FBXL7: variants seen among roughly 807,000 people sequenced by gnomAD.
FBXL7 encodes the protein F-box and leucine rich repeat protein 7.
FBXL7 carries 12 observed loss-of-function variants against 38.3 expected under a neutral mutation model. The observed-to-expected ratio is 0.31, with a 90% CI of 0.20 to 0.51. The LOEUF (loss-of-function observed/expected upper bound fraction) is 0.51. FBXL7 is among the 20% of genes least tolerant of loss of function. The pLI, the probability that FBXL7 is intolerant of heterozygous loss-of-function variation, is 0.98. For synonymous variants in FBXL7, 297 were observed against 300.9 expected (o/e 0.99, Z 0.13); for missense variants, 567 against 676.4 (o/e 0.84, Z 1.79).
chr5:15,832,927 G>A (rs1276160596), intron 2 of FBXL7, among the ~76,000 whole-genome samples: 3 of 151,920 alleles, frequency 2.0e-5, no homozygotes, highest in African/African-American at 7.3e-5. Flanking sequence ...CCATAGGGGC[G>A]GGTCTTTCCC....
intron 1 of FBXL7, among the ~76,000 whole-genome samples, chr5:15,590,895 G>A (rs1739452335): frequency 6.6e-6 from 1 of 152,076 alleles, no homozygotes; most frequent in Non-Finnish European, 1.5e-5. Context: ...CCTAAAAGTT[G>A]TATTATTATT....
intron 2 of FBXL7, among the ~76,000 whole-genome samples, chr5:15,630,863 T>G (rs959885037): frequency 2.0e-5 from 3 of 152,166 alleles, no homozygotes; most frequent in Admixed American, 6.5e-5. Context: ...ATTTTTTTTT[T>G]TGCTTTCATT....
At chr5:15,781,832 T>A (rs1300139004) in intron 2 of FBXL7, among the ~76,000 whole-genome samples, 1 of 152,138 alleles carries the variant, frequency 6.6e-6, no homozygotes. Flanking sequence ...CCTTTTCAAC[T>A]TTTTTAAAAA....
intron 2 of FBXL7, among the ~76,000 whole-genome samples, chr5:15,736,685 G>C (rs1735759681): frequency 6.6e-6 from 1 of 152,024 alleles, no homozygotes; most frequent in Non-Finnish European, 1.5e-5. Context: ...TACCAGTCAG[G>C]GTCTGGTTTC....
At chr5:15,559,859 A>G (rs1738360412) in intron 1 of FBXL7, among the ~76,000 whole-genome samples, 1 of 152,246 alleles carries the variant, frequency 6.6e-6, no homozygotes, top group Non-Finnish European at 1.5e-5. Flanking sequence ...AGCAACGCAC[A>G]TTAAGTTTTA....
At chr5:15,501,584 G>A in intron 1 of FBXL7, 1 of 985,532 alleles carries the variant, frequency 1.0e-6, no homozygotes, top group Non-Finnish European at 1.2e-6. Flanking sequence ...CAGTTTTACA[G>A]CCCGCCCCCA....
At chr5:15,809,481 A>C (rs1383765288) in intron 2 of FBXL7, among the ~76,000 whole-genome samples, 1 of 152,198 alleles carries the variant, frequency 6.6e-6, no homozygotes, top group Non-Finnish European at 1.5e-5. Flanking sequence ...AGGTGGAATA[A>C]ATTTGATAGG....
chr5:15,689,785 C>T (rs1392549507), intron 2 of FBXL7, among the ~76,000 whole-genome samples: 1 of 152,146 alleles, frequency 6.6e-6, no homozygotes, highest in East Asian at 1.9e-4. Flanking sequence ...TCTAAAAGAA[C>T]TTAAATGGCT....
chr5:15,658,781 A>G (rs1230886609), intron 2 of FBXL7, among the ~76,000 whole-genome samples: 2 of 152,236 alleles, frequency 1.3e-5, no homozygotes, highest in East Asian at 1.9e-4. Context: ...TTTTCCATAC[A>G]ATGTCTGAAA....
At chr5:15,866,933 G>A (rs1739743230) in intron 2 of FBXL7, among the ~76,000 whole-genome samples, 1 of 152,080 alleles carries the variant, frequency 6.6e-6, no homozygotes, top group Admixed American at 6.5e-5. Context: ...TATATGGAAT[G>A]GGGTAGAATG....
chr5:15,576,945 A>T lies in FBXL7; in HGVS notation c.38-39038A>T, dbSNP rs549190913. On this transcript the variant is annotated intron_variant, in intron 1 of 3. Coordinates refer to ENST00000504595, the MANE Select transcript of FBXL7 (RefSeq NM_012304.5). Reference sequence around the variant, plus strand: ...TTGTATCCTGGGCATTCCCTAACACAGTGGTGTGAATATAGCAAAGATTAA... The same window carrying T: ...TTGTATCCTGGGCATTCCCTAACACTGTGGTGTGAATATAGCAAAGATTAA... Among the ~76,000 whole-genome samples the T allele has an allele frequency of 4.6e-4, 70 of 152,270 alleles. 2 individuals are homozygous for T. In the South Asian group the frequency reaches 0.013, roughly 28 times the overall value.
At chr5:15,931,105 A>G (rs980230886) in intron 3 of FBXL7, among the ~76,000 whole-genome samples, 2 of 152,254 alleles carry the variant, frequency 1.3e-5, no homozygotes, top group Non-Finnish European at 2.9e-5. Context: ...AGCTATCTTT[A>G]AAGTCACTGA....
At chr5:15,923,778 G>C (rs908661618) in intron 2 of FBXL7, among the ~76,000 whole-genome samples, 1 of 152,154 alleles carries the variant, frequency 6.6e-6, no homozygotes, top group Non-Finnish European at 1.5e-5. Context: ...TCTGGTAAAA[G>C]AGACATCCAG....
Position 15,880,317 on chromosome 5 carries a change from C to T in FBXL7, c.128-47573C>T, listed in dbSNP as rs577859972. ...ATAAGAACAGTGAGATTGCAAGCAC[C>T]AGACGTTTTTAGCACTAGCCCTCAG... On this transcript the variant is annotated intron_variant, in intron 2 of 3. Coordinates refer to ENST00000504595, the MANE Select transcript of FBXL7 (RefSeq NM_012304.5). Among the ~76,000 whole-genome samples, 77 of 152,342 alleles carry T rather than the reference C, an allele frequency of 5.1e-4. No homozygotes were observed. In the East Asian group the frequency reaches 0.014, roughly 27 times the overall value.
intron 2 of FBXL7, among the ~76,000 whole-genome samples, chr5:15,830,965 A>C (rs1738442211): frequency 6.6e-6 from 1 of 152,040 alleles, no homozygotes; most frequent in African/African-American, 2.4e-5. Context: ...ACATCTGGAG[A>C]GTCTCAAGCA....
At chr5:15,759,855 G>T (rs1171932726) in intron 2 of FBXL7, among the ~76,000 whole-genome samples, 1 of 152,146 alleles carries the variant, frequency 6.6e-6, no homozygotes, top group Non-Finnish European at 1.5e-5. Context: ...TGAATGTCTA[G>T]TTAGAAAGGA....
At chr5:15,750,134 T>A (rs1736118783) in intron 2 of FBXL7, among the ~76,000 whole-genome samples, 1 of 152,238 alleles carries the variant, frequency 6.6e-6, no homozygotes, top group Admixed American at 6.5e-5. Flanking sequence ...TGCTTGAGTA[T>A]ACCAAGGAAT....
intron 2 of FBXL7, among the ~76,000 whole-genome samples, chr5:15,724,597 A>G (rs554020234): frequency 1.5e-4 from 23 of 152,284 alleles, no homozygotes; most frequent in African/African-American, 5.5e-4. Flanking sequence ...GGAATCATAC[A>G]TGTGTGCTCT....
At chr5:15,721,411 G>A (rs1292597313) in intron 2 of FBXL7, among the ~76,000 whole-genome samples, 1 of 152,106 alleles carries the variant, frequency 6.6e-6, no homozygotes, top group Admixed American at 6.5e-5. Context: ...TGTGGGAAGT[G>A]CCCTGCCAAA....
Sources: allele counts gnomAD v4.1 joint callset (sites outside exome capture counted in the v4.1 genomes callset), GRCh38; gene constraint gnomAD v4.1.1; transcripts MANE v1.5; gene names NCBI Gene and HGNC (gene_info 2026-07-23, HGNC 2026-07-21).